Variants in PPARGC1B observed in about 807,000 individuals in gnomAD.
PPARGC1B encodes the protein PPARG coactivator 1 beta.
PPARGC1B carries 34 observed loss-of-function variants against 101.6 expected under a neutral mutation model. The observed-to-expected ratio is 0.33, with a 90% CI of 0.25 to 0.45. PPARGC1B has a LOEUF of 0.45. Ranked by LOEUF, PPARGC1B falls within the 20% of genes least tolerant of loss-of-function variation. The pLI, the probability that PPARGC1B is intolerant of heterozygous loss-of-function variation, is 1.00. For missense variants in PPARGC1B, 1,234 were observed against 1,317.6 expected, an observed-to-expected ratio of 0.94 and a Z score of 0.98; for synonymous variants, 548 against 539.3, an observed-to-expected ratio of 1.02 and a Z score of -0.22.
intron 1 of PPARGC1B, among the ~76,000 whole-genome samples, chr5:149,787,114 C>T (rs1395145809): frequency 2.6e-5 from 4 of 152,218 alleles, no homozygotes; most frequent in Admixed American, 1.3e-4. Flanking sequence ...ATGGGAGAAA[C>T]GGCCTCAGGG....
In PPARGC1B at chr5:149,811,435, C is replaced by T. The variant is rs146431389; in HGVS notation, c.79-8998C>T. On this transcript the variant is annotated intron_variant, in intron 1 of 11. Transcript: ENST00000309241. ...TTCAACTTAGTTTTCATTGAAATCT[C>T]GTCTTTTGTACTCATATTTTCTGTT... 1.9e-4 allele frequency among the ~76,000 whole-genome samples: 29 copies of T among 152,312 alleles called. No individual in the cohort carries two copies. In the East Asian group the frequency reaches 4.0e-3, roughly 21 times the overall value.
chr5:149,746,980 C>T (rs573508732), intron 1 of PPARGC1B, among the ~76,000 whole-genome samples: 1 of 152,214 alleles, frequency 6.6e-6, no homozygotes, highest in Admixed American at 6.5e-5. Flanking sequence ...ATTTAGTTCT[C>T]TTTACATTTG....
At chr5:149,759,713 C>A (rs1440236311) in intron 1 of PPARGC1B, among the ~76,000 whole-genome samples, 4 of 152,204 alleles carry the variant, frequency 2.6e-5, no homozygotes, top group Non-Finnish European at 5.9e-5. Context: ...TGAAAATGAC[C>A]CACATCCTTC....
intron 1 of PPARGC1B, among the ~76,000 whole-genome samples, chr5:149,781,041 C>A (rs1489153406): frequency 6.6e-6 from 1 of 152,124 alleles, no homozygotes; most frequent in South Asian, 2.1e-4. Flanking sequence ...CCCATCTCTA[C>A]TAAAAATACA....
intron 4 of PPARGC1B, 38 bp downstream of exon 4, chr5:149,830,921 C>A: frequency 1.4e-6 from 2 of 1,406,012 alleles, no homozygotes; most frequent in Non-Finnish European, 2.0e-6. Flanking sequence ...CCCCAGGTGT[C>A]TGTTGGGGCT....
At chr5:149,826,060 C>A (rs1440203073) in intron 2 of PPARGC1B, among the ~76,000 whole-genome samples, 2 of 152,170 alleles carry the variant, frequency 1.3e-5, no homozygotes, top group Non-Finnish European at 2.9e-5. Flanking sequence ...TGCCTGAGAG[C>A]CCAGAGGTGC....
chr5:149,762,540 C>T (rs1327670079), intron 1 of PPARGC1B, among the ~76,000 whole-genome samples: 3 of 152,166 alleles, frequency 2.0e-5, no homozygotes, highest in African/African-American at 7.2e-5. Flanking sequence ...CTCAGTGAAT[C>T]TATCTTGTCC....
chr5:149,783,967 C>T (rs1261239662), intron 1 of PPARGC1B, among the ~76,000 whole-genome samples: 1 of 152,116 alleles, frequency 6.6e-6, no homozygotes, highest in Non-Finnish European at 1.5e-5. Flanking sequence ...CATGCGTGTA[C>T]ATACATGCCT....
Position 149,770,042 on chromosome 5 carries a change from G to A in PPARGC1B, c.78+39622G>A, listed in dbSNP as rs1322233806. 2.0e-5 allele frequency among the ~76,000 whole-genome samples: 3 copies of A among 152,184 alleles called. No individual in the cohort carries two copies. In the East Asian group the frequency reaches 5.8e-4, roughly 29 times the overall value. On this transcript the variant is annotated intron_variant, in intron 1 of 11. Coordinates refer to ENST00000309241, the MANE Select transcript of PPARGC1B (RefSeq NM_133263.4). ...TGGGGGACCTTATGCTGCCTGCTGTGGTGGTGCACTCATCATCTCCAGAGC... is the reference window on the plus strand; with the variant it reads ...TGGGGGACCTTATGCTGCCTGCTGTAGTGGTGCACTCATCATCTCCAGAGC...
In PPARGC1B at chr5:149,853,791, G is replaced by T. The variant is rs1759856866; in HGVS notation, c.*6233G>T. On this transcript the variant is annotated 3_prime_UTR_variant, in exon 12 of 12. Transcript: ENST00000309241. The surrounding 1 kb of genome is among the most constrained non-coding windows in gnomAD (Gnocchi z 4.2). ...GGAAACAGGTGGGAAATCTCAAGGG[G>T]AGCGTGGACAAGGTGGTATGTGCAG... is the stretch of plus-strand genomic sequence containing the variant. 1.3e-5 allele frequency: 2 copies of T among 152,220 alleles called. No homozygotes were observed. Among genetic ancestry groups the T allele is most frequent in the Admixed American group, 1.3e-4 (2 of 15,284 alleles). 9.4% of individuals were successfully genotyped at this position (152,220 alleles called of 1,614,324 possible).
chr5:149,850,916 G>C lies in PPARGC1B; in HGVS notation c.*3358G>C, dbSNP rs1421047753. The C allele has an allele frequency of 6.6e-6, 1 of 152,140 alleles. No homozygotes were observed. The highest frequency in any genetic ancestry group is 2.4e-5 in the African/African-American group (1 of 41,422). The allele number at this position is 152,140 out of a possible 1,614,324, so 9.4% of individuals were successfully genotyped here. On this transcript the variant is annotated 3_prime_UTR_variant, in exon 12 of 12. Transcript: ENST00000309241. ...GGGGCTCTGGTTACCGAAGGAAAAT[G>C]CATCAAAGAGTTAAAGAATATGAGT...
At position 149,833,022 on chromosome 5, in the gene PPARGC1B, A is replaced by C. The variant is rs1383516824; in HGVS notation, c.949A>C (p.Ser317Arg). 1 of 1,613,576 alleles carries C rather than the reference A, an allele frequency of 6.2e-7. No homozygotes were observed. Among genetic ancestry groups the C allele is most frequent in the East Asian group, 2.2e-5 (1 of 44,884 alleles). ...CCCTGAGCCACTCCCCAAGGCCTGC[A>C]GCAACCCCTCCCAGCAGGTCAGATC... ...QTPEPLPKACSNPSQQVRSRP... is the reference protein window; with the variant it reads ...QTPEPLPKACRNPSQQVRSRP... Residue 317 changes from serine to arginine, a missense_variant, in exon 5 of 12, where the codon AGC becomes CGC. Transcript: ENST00000309241. This position sits in a 1 kb window ranked among gnomAD's most constrained non-coding sequence, Gnocchi z 4.1.
chr5:149,842,765 G>A (rs1759401714), intron 10 of PPARGC1B, among the ~76,000 whole-genome samples: 1 of 152,248 alleles, frequency 6.6e-6, no homozygotes, highest in South Asian at 2.1e-4. Context: ...TTGGCCTGGA[G>A]ATAGTGCGGG....
intron 1 of PPARGC1B, among the ~76,000 whole-genome samples, chr5:149,819,168 G>A (rs1048406921): frequency 2.6e-5 from 4 of 152,188 alleles, no homozygotes; most frequent in African/African-American, 4.8e-5. Flanking sequence ...GGTGCTGCCC[G>A]TCTGGGACTA....
intron 11 of PPARGC1B, 123 bp downstream of exon 11, chr5:149,846,037 G>A: frequency 3.5e-6 from 4 of 1,151,642 alleles, no homozygotes. Flanking sequence ...ACACCCCAGT[G>A]TGCTGCTTGG....
intron 3 of PPARGC1B, among the ~76,000 whole-genome samples, chr5:149,829,364 G>A (rs562904268): frequency 2.0e-5 from 3 of 152,234 alleles, no homozygotes; most frequent in Admixed American, 1.3e-4. Context: ...ATTTCCCATC[G>A]AAAAAGTCAC....
intron 1 of PPARGC1B, among the ~76,000 whole-genome samples, chr5:149,790,448 C>T (rs888142014): frequency 2.6e-5 from 4 of 152,112 alleles, no homozygotes; most frequent in African/African-American, 9.7e-5. Context: ...CTGCAGTCAT[C>T]GGCTTGAGCT....
intron 11 of PPARGC1B, 197 bp downstream of exon 11, chr5:149,846,111 C>T (rs959969540): frequency 5.0e-5 from 32 of 646,280 alleles, no homozygotes; most frequent in Non-Finnish European, 6.4e-5. Context: ...CTCTGGTCCA[C>T]CTTATCCTGT....
At position 149,847,580 on chromosome 5, in the gene PPARGC1B, A is replaced by G; in HGVS notation, c.*22A>G. ...TTGATAACAGCCTTAACCCTCGAGG[A>G]ATACCTCAATACCTCAGACAAGGCC... On this transcript the variant is annotated 3_prime_UTR_variant, in exon 12 of 12. Coordinates refer to ENST00000309241, the MANE Select transcript of PPARGC1B (RefSeq NM_133263.4). 6.7e-7 allele frequency: 1 copy of G among 1,503,018 alleles called. No homozygotes were observed. The highest frequency in any genetic ancestry group is 1.1e-5 in the South Asian group (1 of 88,844). 93.1% of individuals were successfully genotyped at this position (1,503,018 alleles called of 1,614,324 possible). A position where few individuals can be genotyped will look rare whatever the true frequency, so the allele number is the denominator to read the frequency against.
Sources: allele counts gnomAD v4.1 joint callset (sites outside exome capture counted in the v4.1 genomes callset), GRCh38; gene constraint gnomAD v4.1.1; non-coding constraint Gnocchi (gnomAD v3.1); transcripts MANE v1.5; gene names NCBI Gene and HGNC (gene_info 2026-07-23, HGNC 2026-07-21).